The following NMBR variants were observed in gnomAD, a reference collection of about 807,000 sequenced individuals.
NMBR encodes neuromedin B receptor.
NMBR carries 16 observed loss-of-function variants against 20.5 expected under a neutral mutation model. The ratio of observed to expected loss-of-function variants is 0.78; its 90% CI spans 0.53 to 1.19. The LOEUF (loss-of-function observed/expected upper bound fraction) is 1.19, where lower values mean the gene tolerates loss of function less well. Ranked by LOEUF, NMBR falls within the 50% of genes most tolerant of loss-of-function variation. The probability of loss-of-function intolerance (pLI) is 0.00; values close to 1 mark genes in which losing one functional copy is unlikely to be tolerated. For synonymous variants in NMBR, 212 were observed against 196.6 expected (o/e 1.08, Z -0.65); for missense variants, 582 against 499.1 (o/e 1.17, Z -1.58).
At chr6:142,093,632 T>C (rs1232180289) in intron 1 of NMBR, among the ~76,000 whole-genome samples, 2 of 152,190 alleles carry the variant, frequency 1.3e-5, no homozygotes, top group Admixed American at 6.6e-5. Flanking sequence ...TGTGTTTTTA[T>C]AGCAGCATGA....
At chr6:142,118,341 C>T (rs1777886974) in intron 1 of NMBR, among the ~76,000 whole-genome samples, 1 of 151,976 alleles carries the variant, frequency 6.6e-6, no homozygotes, top group Admixed American at 6.6e-5. Flanking sequence ...AAACGTTTCA[C>T]ATTTGCTAAT....
At chr6:142,131,875 C>T (rs769449186) in intron 1 of NMBR, among the ~76,000 whole-genome samples, 26 of 152,190 alleles carry the variant, frequency 1.7e-4, no homozygotes, top group Non-Finnish European at 3.2e-4. Flanking sequence ...TAAACAATAG[C>T]ATTCACTACT....
At chr6:142,088,102 C>G (rs1231459130) in intron 2 of NMBR, 135 bp downstream of exon 2, 1 of 780,028 alleles carries the variant, frequency 1.3e-6, no homozygotes, top group African/African-American at 1.7e-5. Context: ...CAGGTACACA[C>G]TCTCTCCCTC....
intron 1 of NMBR, among the ~76,000 whole-genome samples, chr6:142,116,029 T>G (rs1055939478): frequency 1.3e-5 from 2 of 151,918 alleles, no homozygotes; most frequent in Admixed American, 6.6e-5. Flanking sequence ...AACTGATGGT[T>G]TTAAAAATGG....
intron 1 of NMBR, among the ~76,000 whole-genome samples, chr6:142,144,018 A>G (rs1360143867): frequency 6.6e-6 from 1 of 152,246 alleles, no homozygotes; most frequent in Non-Finnish European, 1.5e-5. Context: ...ATTGTTTTAA[A>G]TGTGCCGGAA....
chr6:142,103,632 AC>A (rs1777604730), intron 1 of NMBR, among the ~76,000 whole-genome samples: 1 of 152,164 alleles, frequency 6.6e-6, no homozygotes, highest in Non-Finnish European at 1.5e-5. Context: ...CACTAGATTT[AC>A]ATTTTTTAAA....
In NMBR at chr6:142,090,211, C is replaced by A. The variant is rs145029193; in HGVS notation, c.-663-890G>T. On this transcript the variant is annotated intron_variant, in intron 1 of 3. Coordinates refer to ENST00000258042, the MANE Select transcript of NMBR (RefSeq NM_002511.4). ...CTGGAGTTAGCTAAATAACACTCTTCATTAGGGAAAACATTTGACTAGTTC... is the reference window on the plus strand; with the variant it reads ...CTGGAGTTAGCTAAATAACACTCTTAATTAGGGAAAACATTTGACTAGTTC... Among the ~76,000 whole-genome samples the A allele has an allele frequency of 6.3e-4, 96 of 152,102 alleles. 1 individual carries two copies. In the Middle Eastern group the frequency reaches 0.01, roughly 16 times the overall value.
chr6:142,096,046 CTTCT>C (rs1252936951), intron 1 of NMBR, among the ~76,000 whole-genome samples: 2 of 151,872 alleles, frequency 1.3e-5, no homozygotes, highest in Non-Finnish European at 2.9e-5. Flanking sequence ...TCTCTCTTTT[CTTCT>C]TTATTAGTCT....
chr6:142,143,261 T>C (rs972765738), intron 1 of NMBR, among the ~76,000 whole-genome samples: 2 of 152,168 alleles, frequency 1.3e-5, no homozygotes, highest in East Asian at 1.9e-4. Flanking sequence ...GTGATGAAAA[T>C]AATTAAAGAC....
intron 1 of NMBR, among the ~76,000 whole-genome samples, chr6:142,127,357 A>G (rs1256406531): frequency 2.0e-5 from 3 of 151,932 alleles, no homozygotes; most frequent in Non-Finnish European, 4.4e-5. Context: ...GTCTGTTTTT[A>G]TGCCAATACT....
chr6:142,083,269 T>C (rs1387796870), intron 2 of NMBR, among the ~76,000 whole-genome samples: 1 of 152,228 alleles, frequency 6.6e-6, no homozygotes, highest in Non-Finnish European at 1.5e-5. Flanking sequence ...TCTGTTTCTA[T>C]GGTTATATAA....
At position 142,144,767 on chromosome 6, in the gene NMBR, A is replaced by G. The variant is rs1007643076; in HGVS notation, c.-664+2277T>C. On this transcript the variant is annotated intron_variant, in intron 1 of 3. Coordinates refer to ENST00000258042, the MANE Select transcript of NMBR (RefSeq NM_002511.4). ...CATGAAAGGGTTAGCATATTTAGAA[A>G]GAAGAGAGCATGAGGCTCTTGTCTG... Among the ~76,000 whole-genome samples the G allele has an allele frequency of 2.6e-5, 4 of 152,212 alleles. No homozygotes were observed. The South Asian group carries it at 6.2e-4, about 24-fold the overall frequency.
chr6:142,143,448 C>T (rs1431421808), intron 1 of NMBR, among the ~76,000 whole-genome samples: 1 of 152,168 alleles, frequency 6.6e-6, no homozygotes, highest in Non-Finnish European at 1.5e-5. Context: ...CCACACCCTG[C>T]TAATTTTGTA....
At chr6:142,131,682 C>A (rs549338748) in intron 1 of NMBR, among the ~76,000 whole-genome samples, 3 of 152,232 alleles carry the variant, frequency 2.0e-5, no homozygotes, top group South Asian at 4.1e-4. Context: ...TGTTTTATTA[C>A]CCAATTGGAT....
At chr6:142,109,880 G>A (rs182451231) in intron 1 of NMBR, among the ~76,000 whole-genome samples, 54 of 152,096 alleles carry the variant, frequency 3.6e-4, no homozygotes, top group Admixed American at 6.5e-4. Flanking sequence ...TAAGGATGCC[G>A]CAAAATGGCA....
chr6:142,104,973 G>A (rs1011923393), intron 1 of NMBR, among the ~76,000 whole-genome samples: 22 of 152,146 alleles, frequency 1.4e-4, no homozygotes, highest in African/African-American at 4.8e-4. Context: ...TTTGTGGCAG[G>A]GGGTGGATCT....
At chr6:142,089,960 T>G (rs1401724161) in intron 1 of NMBR, among the ~76,000 whole-genome samples, 1 of 152,226 alleles carries the variant, frequency 6.6e-6, no homozygotes, top group East Asian at 1.9e-4. Context: ...AATAAATTAC[T>G]AACTTATTTT....
chr6:142,134,028 C>T (rs575774741), intron 1 of NMBR: 1 of 684,778 alleles, frequency 1.5e-6, no homozygotes, highest in South Asian at 1.5e-5. Flanking sequence ...CCAATCACTC[C>T]ACAAGTAAGT....
At chr6:142,097,942 A>T (rs1245508101) in intron 1 of NMBR, among the ~76,000 whole-genome samples, 1 of 152,098 alleles carries the variant, frequency 6.6e-6, no homozygotes, top group Non-Finnish European at 1.5e-5. Flanking sequence ...AAAACACTGC[A>T]GGAGAAAAGG....
Sources: gnomAD v4.1 joint callset for allele counts (sites outside exome capture counted in the v4.1 genomes callset) on GRCh38, gnomAD v4.1.1 for gene constraint, MANE v1.5 for transcripts, NCBI Gene and HGNC (gene_info 2026-07-23, HGNC 2026-07-21) for gene names.